Variants in CBLB observed in about 807,000 individuals in gnomAD.
CBLB encodes the protein Cbl proto-oncogene B, also known as E3 ubiquitin-protein ligase CBL-B.
In CBLB, 31 loss-of-function variants were observed where a neutral mutation model predicts 104.9. The ratio of observed to expected loss-of-function variants is 0.30; its 90% CI spans 0.22 to 0.40. The LOEUF (loss-of-function observed/expected upper bound fraction) is 0.40. Ranked by LOEUF, CBLB falls within the 10% of genes least tolerant of loss-of-function variation. The pLI, the probability that CBLB is intolerant of heterozygous loss-of-function variation, is 1.00. For missense variants in CBLB, 1,062 were observed against 1,214.6 expected (o/e 0.87, Z 1.87); for synonymous variants, 440 against 422.6 (o/e 1.04, Z -0.51).
At chr3:105,680,005 A>G (rs912934459) in intron 16 of CBLB, among the ~76,000 whole-genome samples, 24 of 152,148 alleles carry the variant, frequency 1.6e-4, no homozygotes, top group African/African-American at 5.6e-4. Flanking sequence ...AATCAAAATT[A>G]TAAGGCTCTG....
intron 4 of CBLB, among the ~76,000 whole-genome samples, chr3:105,758,107 T>A (rs564678552): frequency 6.6e-6 from 1 of 152,338 alleles, no homozygotes; most frequent in African/African-American, 2.4e-5. Context: ...TCTTTTATCA[T>A]GACTCCATTT....
chr3:105,741,095 GTTT>G (rs66493673), intron 6 of CBLB, among the ~76,000 whole-genome samples: 2,014 of 108,042 alleles, frequency 0.019, 8 homozygotes, highest in Middle Eastern at 0.05. Flanking sequence ...AAAAATTAGG[GTTT>G]TTTTTTTTTT....
chr3:105,772,898 G>T (rs1031003653), intron 4 of CBLB, among the ~76,000 whole-genome samples: 1 of 152,138 alleles, frequency 6.6e-6, no homozygotes, highest in Non-Finnish European at 1.5e-5. Context: ...AGATGTTGAC[G>T]TGGATGTTGT....
At chr3:105,746,207 T>A (rs987437684) in intron 5 of CBLB, among the ~76,000 whole-genome samples, 169 bp from the exon 6 acceptor site, 1 of 152,238 alleles carries the variant, frequency 6.6e-6, no homozygotes, top group East Asian at 1.9e-4. Context: ...GACGTTCAAG[T>A]CTATTGTTCT....
intron 2 of CBLB, among the ~76,000 whole-genome samples, chr3:105,861,404 C>G (rs1020007326): frequency 6.6e-6 from 1 of 152,050 alleles, no homozygotes; most frequent in Non-Finnish European, 1.5e-5. Context: ...TGCCTTAAAT[C>G]ACTTCCTGAC....
chr3:105,681,443 G>A (rs776769128), intron 16 of CBLB, 36 bp downstream of exon 16: 47 of 1,602,840 alleles, frequency 2.9e-5, no homozygotes, highest in Non-Finnish European at 3.9e-5. Context: ...AAAGAAGGAG[G>A]GGTGGGTTGT....
chr3:105,701,747 G>A (rs2069147442), intron 12 of CBLB, among the ~76,000 whole-genome samples: 1 of 142,928 alleles, frequency 7.0e-6, no homozygotes, highest in Non-Finnish European at 1.5e-5. Context: ...TGGGGGGCAA[G>A]AGCGAGGCTT....
chr3:105,762,144 T>C (rs2077703598), intron 4 of CBLB: 1 of 152,224 alleles, frequency 6.6e-6, no homozygotes, highest in South Asian at 2.1e-4. Flanking sequence ...CATTAAGTTT[T>C]ATTCATTCAC....
intron 1 of CBLB, chr3:105,868,076 T>C (rs1706371708): frequency 3.8e-6 from 2 of 521,552 alleles, no homozygotes; most frequent in African/African-American, 2.0e-5. Flanking sequence ...AACATAAAGA[T>C]TATCCTACAC....
At chr3:105,741,094 GGT>G (rs1491483625) in intron 6 of CBLB, among the ~76,000 whole-genome samples, 6 of 53,560 alleles carry the variant, frequency 1.1e-4, no homozygotes, top group Non-Finnish European at 1.8e-4. Context: ...TAAAAATTAG[GGT>G]TTTTTTTTTT....
At chr3:105,849,860 C>A (rs1367502246) in intron 3 of CBLB, among the ~76,000 whole-genome samples, 1 of 152,026 alleles carries the variant, frequency 6.6e-6, no homozygotes, top group Non-Finnish European at 1.5e-5. Context: ...TTGTAAAGAA[C>A]TTAGTTTTAT....
intron 9 of CBLB, chr3:105,723,947 G>A (rs554383915): frequency 6.4e-6 from 1 of 155,976 alleles, no homozygotes; most frequent in South Asian, 2.1e-4. Context: ...TCATTTTGGA[G>A]TGCATTTTAT....
At chr3:105,747,197 T>C (rs555434746) in intron 5 of CBLB, among the ~76,000 whole-genome samples, 45 of 152,316 alleles carry the variant, frequency 3.0e-4, no homozygotes, top group Non-Finnish European at 4.9e-4. Context: ...TGACGCTACA[T>C]TTATTCCAAG....
At chr3:105,799,291 AAAAC>A (rs2082584152) in intron 3 of CBLB, among the ~76,000 whole-genome samples, 3 of 152,102 alleles carry the variant, frequency 2.0e-5, no homozygotes, top group Non-Finnish European at 4.4e-5. Flanking sequence ...AGGGCAGGAA[AAAAC>A]AAACAAGGAT....
At chr3:105,699,099 T>C (rs1038467181) in intron 12 of CBLB, among the ~76,000 whole-genome samples, 3 of 152,162 alleles carry the variant, frequency 2.0e-5, no homozygotes, top group Admixed American at 2.0e-4. Flanking sequence ...CAAGTAAGTA[T>C]TATATTATAA....
At chr3:105,713,254 T>A (rs2071360731) in intron 10 of CBLB, among the ~76,000 whole-genome samples, 2 of 148,394 alleles carry the variant, frequency 1.3e-5, no homozygotes, top group South Asian at 2.2e-4. Context: ...GGAAGGGGAG[T>A]GGGAGGGGGT....
At chr3:105,774,127 G>T (rs1437317180) in intron 4 of CBLB, among the ~76,000 whole-genome samples, 2 of 152,180 alleles carry the variant, frequency 1.3e-5, no homozygotes, top group Non-Finnish European at 2.9e-5. Flanking sequence ...TTCTGTTTTA[G>T]GAAAGAATGC....
intron 17 of CBLB, chr3:105,672,142 T>G (rs994794414): frequency 1.6e-5 from 3 of 192,260 alleles, no homozygotes; most frequent in Admixed American, 1.2e-4. Context: ...TTACGGGAAA[T>G]TTATAGGTTT....
At chr3:105,834,955 G>T (rs966265974) in intron 3 of CBLB, among the ~76,000 whole-genome samples, 5 of 152,186 alleles carry the variant, frequency 3.3e-5, no homozygotes, top group Non-Finnish European at 7.3e-5. Context: ...ATGACTTCAT[G>T]TTATCACAAC....
Sources: allele counts gnomAD v4.1 joint callset (sites outside exome capture counted in the v4.1 genomes callset), GRCh38; gene constraint gnomAD v4.1.1; transcripts MANE v1.5; gene names NCBI Gene and HGNC (gene_info 2026-07-23, HGNC 2026-07-21).